The following CADM1 variants were observed in gnomAD, a reference collection of about 807,000 sequenced individuals.
The protein encoded by CADM1 is TSLC-1.
A neutral mutation model predicts 53.1 loss-of-function variants in CADM1; 15 were observed. The observed-to-expected ratio is 0.28, with a 90% CI of 0.19 to 0.44. CADM1 has a LOEUF of 0.44. Among genes scored for constraint, CADM1 ranks in the 20% least tolerant of loss-of-function variants. The pLI is 1.00. For missense variants in CADM1, 434 were observed against 611.3 expected (o/e 0.71, Z 3.06); for synonymous variants, 281 against 243.0 (o/e 1.16, Z -1.45).
At position 115,504,202 on chromosome 11, in the gene CADM1, C is replaced by A. The variant is rs1342097204; in HGVS notation, c.124+69G>T. 2.6e-6 allele frequency: 4 copies of A among 1,549,986 alleles called. No homozygotes were observed. In the East Asian group the frequency reaches 9.8e-5, roughly 38 times the overall value. ...GAGGTTGTCATGGAAACGTTTCCCC[C>A]CTCTGTGGCCAAGGCTACTGGGGTG... On this transcript the variant is annotated intron_variant, in intron 1 of 11. Coordinates refer to ENST00000331581, the MANE Select transcript of CADM1 (RefSeq NM_001301043.2).
chr11:115,411,239 T>C (rs879010918), intron 1 of CADM1, among the ~76,000 whole-genome samples: 2 of 152,102 alleles, frequency 1.3e-5, no homozygotes, highest in Admixed American at 1.3e-4. Flanking sequence ...ACTAACAAGA[T>C]AGGGAGATGA....
chr11:115,290,831 T>C (rs1943876998), intron 1 of CADM1, among the ~76,000 whole-genome samples: 1 of 152,212 alleles, frequency 6.6e-6, no homozygotes, highest in Admixed American at 6.5e-5. Context: ...TTGTTTAGAG[T>C]TCACAAGTGT....
rs535652236 is a variant in CADM1, at chr11:115,182,651, G to C, written c.1166-3876C>G. ...GTGTCACCCTTCACTCCTCCTCAGA[G>C]GTAGAAAGCTTGGTGTCCTTTTGGC... On this transcript the variant is annotated intron_variant, in intron 10 of 11. Transcript: ENST00000331581. 1.8e-4 allele frequency among the ~76,000 whole-genome samples: 28 copies of C among 152,292 alleles called. No individual in the cohort carries two copies. In the South Asian group the frequency reaches 5.8e-3, roughly 32 times the overall value.
At chr11:115,404,834 C>T (rs170221) in intron 1 of CADM1, among the ~76,000 whole-genome samples, 34 of 144,084 alleles carry the variant, frequency 2.4e-4, no homozygotes, top group African/African-American at 8.3e-4. Flanking sequence ...AGAACAAGAC[C>T]CTGCCTCAGG....
At chr11:115,330,729 T>A (rs1055524778) in intron 1 of CADM1, among the ~76,000 whole-genome samples, 2 of 152,158 alleles carry the variant, frequency 1.3e-5, no homozygotes, top group Admixed American at 6.6e-5. Flanking sequence ...TGTAGACGTC[T>A]TTGCAGATGC....
intron 1 of CADM1, among the ~76,000 whole-genome samples, chr11:115,490,926 A>G (rs1446267875): frequency 6.6e-6 from 1 of 152,218 alleles, no homozygotes; most frequent in East Asian, 1.9e-4. Context: ...TGAGATCATG[A>G]ATACAGACAC....
At chr11:115,366,577 C>A (rs926995433) in intron 1 of CADM1, among the ~76,000 whole-genome samples, 9 of 152,226 alleles carry the variant, frequency 5.9e-5, no homozygotes, top group Middle Eastern at 3.4e-3. Flanking sequence ...CAAAGAAATA[C>A]GTCATTTTGT....
chr11:115,186,139 A>T (rs1192992566), intron 10 of CADM1, among the ~76,000 whole-genome samples: 2 of 152,114 alleles, frequency 1.3e-5, no homozygotes, highest in Non-Finnish European at 2.9e-5. Context: ...ACCCAATGTG[A>T]TTTCTTCAGT....
chr11:115,488,015 T>C (rs1949414483), intron 1 of CADM1, among the ~76,000 whole-genome samples: 1 of 132,534 alleles, frequency 7.5e-6, no homozygotes, highest in African/African-American at 2.9e-5. Flanking sequence ...ACTTAAAAGG[T>C]CCTTTAAAAG....
At chr11:115,341,232 G>A (rs998084058) in intron 1 of CADM1, among the ~76,000 whole-genome samples, 4 of 152,180 alleles carry the variant, frequency 2.6e-5, no homozygotes, top group Non-Finnish European at 5.9e-5. Context: ...AATATTTCTT[G>A]AGTATATTTC....
chr11:115,225,322 G>C (rs531846815), intron 5 of CADM1, among the ~76,000 whole-genome samples: 2 of 147,676 alleles, frequency 1.4e-5, no homozygotes, highest in Admixed American at 1.4e-4. Flanking sequence ...AAGGGGGGGG[G>C]ACTTTAATTC....
chr11:115,302,898 G>A (rs189546047), intron 1 of CADM1, among the ~76,000 whole-genome samples: 2 of 152,178 alleles, frequency 1.3e-5, no homozygotes, highest in Admixed American at 6.5e-5. Flanking sequence ...TCTCTGTGCT[G>A]CTTCCAGGTT....
At chr11:115,320,604 C>T (rs1703945647) in intron 1 of CADM1, among the ~76,000 whole-genome samples, 1 of 151,600 alleles carries the variant, frequency 6.6e-6, no homozygotes. Context: ...TGTTTTATTC[C>T]TACAAGAAGA....
chr11:115,351,756 G>C (rs902720382), intron 1 of CADM1, among the ~76,000 whole-genome samples: 1 of 152,150 alleles, frequency 6.6e-6, no homozygotes, highest in African/African-American at 2.4e-5. Context: ...AACCTAACCA[G>C]CATGCTCTTT....
chr11:115,174,951 C>T lies in CADM1; in HGVS notation c.*1523G>A. The T allele has an allele frequency of 1.0e-6, 1 of 985,722 alleles. No homozygotes were observed. Among genetic ancestry groups the T allele is most frequent in the Non-Finnish European group, 1.2e-6 (1 of 829,878 alleles). 61.1% of individuals were successfully genotyped at this position (985,722 alleles called of 1,614,324 possible). A position where few individuals can be genotyped will look rare whatever the true frequency, so the allele number is the denominator to read the frequency against. ...TGGTAACGTGACTCCTCTACCTTTTCCCGAGGCTCCCCATCTAAGATATGT... is the reference window on the plus strand; with the variant it reads ...TGGTAACGTGACTCCTCTACCTTTTTCCGAGGCTCCCCATCTAAGATATGT... On this transcript the variant is annotated 3_prime_UTR_variant, in exon 12 of 12. Coordinates refer to ENST00000331581, the MANE Select transcript of CADM1 (RefSeq NM_001301043.2).
At position 115,174,284 on chromosome 11, in the gene CADM1, T is replaced by C; in HGVS notation, c.*2190A>G. 2 of 982,782 alleles carry C rather than the reference T, an allele frequency of 2.0e-6. No homozygotes were observed. The highest frequency in any genetic ancestry group is 2.4e-6 in the Non-Finnish European group (2 of 827,620). 60.9% of individuals were successfully genotyped at this position (982,782 alleles called of 1,614,324 possible). A position where few individuals can be genotyped will look rare whatever the true frequency, so the allele number is the denominator to read the frequency against. On this transcript the variant is annotated 3_prime_UTR_variant, in exon 12 of 12. Transcript: ENST00000331581. ...TGGTGTGATTTTTTTTTTTTGTTTT[T>C]GTTTTTGTTTTTCTTTTTTTCTAAA...
intron 1 of CADM1, among the ~76,000 whole-genome samples, chr11:115,316,938 C>T (rs997846909): frequency 6.6e-6 from 1 of 152,170 alleles, no homozygotes; most frequent in East Asian, 1.9e-4. Flanking sequence ...TGTAAAACCA[C>T]AGTGTGTGCA....
intron 1 of CADM1, among the ~76,000 whole-genome samples, chr11:115,341,582 T>C (rs1009236053): frequency 1.4e-4 from 21 of 152,204 alleles, no homozygotes; most frequent in African/African-American, 5.1e-4. Context: ...CACTGTGTTT[T>C]TGCTCAGGAG....
At chr11:115,470,853 A>C (rs911442847) in intron 1 of CADM1, among the ~76,000 whole-genome samples, 2 of 152,120 alleles carry the variant, frequency 1.3e-5, no homozygotes, top group African/African-American at 4.8e-5. Context: ...GTATTATCCC[A>C]ATTTTTTATC....
Sources: gnomAD v4.1 joint callset for allele counts (sites outside exome capture counted in the v4.1 genomes callset) on GRCh38, gnomAD v4.1.1 for gene constraint, MANE v1.5 for transcripts, NCBI Gene and HGNC (gene_info 2026-07-23, HGNC 2026-07-21) for gene names.